Variants in ACACA observed in about 807,000 individuals in gnomAD.
The protein encoded by ACACA is acetyl-CoA carboxylase 1.
Under a neutral mutation model 296.1 loss-of-function variants are expected in ACACA, and 103 were observed. That is an observed-to-expected ratio of 0.35 (90% confidence interval 0.30 to 0.41). The LOEUF is 0.41. ACACA is among the 10% of genes least tolerant of loss of function. The pLI is 1.00. For synonymous variants in ACACA, 953 were observed against 1,038.6 expected (o/e 0.92, Z 1.58); for missense variants, 1,554 against 2,989.7 (o/e 0.52, Z 11.20).
intron 1 of ACACA, among the ~76,000 whole-genome samples, chr17:37,353,539 T>C (rs1297890614): frequency 7.0e-6 from 1 of 142,958 alleles, no homozygotes; most frequent in Non-Finnish European, 1.5e-5. Context: ...ATCAGGAGGC[T>C]GAGGCAGGAG....
At chr17:37,268,733 C>CTATATATATATATATATA (rs1402309165) in intron 10 of ACACA, among the ~76,000 whole-genome samples, 5 of 70,824 alleles carry the variant, frequency 7.1e-5, no homozygotes, top group East Asian at 8.6e-4. Flanking sequence ...ATCTATCTAT[C>CTATATATATATATATATA]TATCTATCTA....
chr17:37,185,389 T>C (rs1235485191), intron 39 of ACACA, among the ~76,000 whole-genome samples: 2 of 144,798 alleles, frequency 1.4e-5, no homozygotes, highest in Middle Eastern at 3.6e-3. Flanking sequence ...CATGACACCA[T>C]GCCTGGCTAT....
chr17:37,256,209 C>A (rs1235743052), intron 14 of ACACA, among the ~76,000 whole-genome samples: 5 of 152,136 alleles, frequency 3.3e-5, no homozygotes, highest in African/African-American at 1.2e-4. Flanking sequence ...CAAAACACAT[C>A]TGTATGTTGA....
chr17:37,205,672 A>G (rs991632002), intron 33 of ACACA, 93 bp downstream of exon 33: 1 of 990,960 alleles, frequency 1.0e-6, no homozygotes, highest in African/African-American at 1.6e-5. Context: ...GATAAAAGAC[A>G]TAGCCATAAA....
At chr17:37,322,741 G>A (rs938565748) in intron 3 of ACACA, among the ~76,000 whole-genome samples, 2 of 152,168 alleles carry the variant, frequency 1.3e-5, no homozygotes, top group Non-Finnish European at 2.9e-5. Flanking sequence ...ACAAGGCAGA[G>A]AAAGAGAGGA....
chr17:37,390,551 C>T (rs552772251), intron 1 of ACACA, among the ~76,000 whole-genome samples: 147 of 149,002 alleles, frequency 9.9e-4, no homozygotes, highest in African/African-American at 3.5e-3. Context: ...TGCTTGAACC[C>T]AGGAGACAGA....
At chr17:37,132,866 C>T (rs574317174) in intron 45 of ACACA, among the ~76,000 whole-genome samples, 1 of 152,272 alleles carries the variant, frequency 6.6e-6, no homozygotes, top group African/African-American at 2.4e-5. Flanking sequence ...TCTATTCTAC[C>T]CCATATTTTT....
At chr17:37,393,819 GA>G (rs5820211) in intron 1 of ACACA, among the ~76,000 whole-genome samples, 18,849 of 133,988 alleles carry the variant, frequency 0.14, 1,293 homozygotes, top group East Asian at 0.27. Flanking sequence ...CTGTCTCAAA[GA>G]AAAAAAAAAA....
intron 26 of ACACA, chr17:37,225,557 C>T (rs1177483649): frequency 5.2e-6 from 1 of 192,408 alleles, no homozygotes; most frequent in African/African-American, 2.4e-5. Context: ...TTGACAGCCC[C>T]AGGTACTCGG....
chr17:37,140,065 T>C (rs2075500511), intron 45 of ACACA, among the ~76,000 whole-genome samples: 1 of 152,232 alleles, frequency 6.6e-6, no homozygotes, highest in Admixed American at 6.5e-5. Flanking sequence ...CATAGATGAA[T>C]GGGATTGGCT....
intron 1 of ACACA, among the ~76,000 whole-genome samples, chr17:37,390,167 T>C (rs1219904093): frequency 0.24 from 13,391 of 56,708 alleles, 2,450 homozygotes; most frequent in East Asian, 0.77. Flanking sequence ...TATATATATA[T>C]ATATATATAC....
Position 37,200,463 on chromosome 17 carries a change from A to G in ACACA, c.4077T>C (p.His1359=), listed in dbSNP as rs1413461015. ...TQQNKATLVD[H]GIRRLTFLVA... is the part of the protein sequence containing the mutation. ...CCAGGAAAGTAAGGCGCCGGATCCC[A>G]TGGTCAACCAGGGTAGCTTTCTAGG... Residue 1359 remains histidine, a synonymous_variant, in exon 34 of 56, where the codon CAT becomes CAC. Transcript: ENST00000616317. 1 of 1,613,316 alleles carries G rather than the reference A, an allele frequency of 6.2e-7. No homozygotes were observed. Among genetic ancestry groups the G allele is most frequent in the African/African-American group, 1.3e-5 (1 of 75,044 alleles).
intron 1 of ACACA, among the ~76,000 whole-genome samples, chr17:37,344,951 C>A (rs1404188644): frequency 1.3e-5 from 2 of 152,170 alleles, no homozygotes; most frequent in Non-Finnish European, 2.9e-5. Flanking sequence ...CAGAGGGTTT[C>A]TAGATTGGGG....
chr17:37,327,498 G>C (rs546854272), intron 3 of ACACA, among the ~76,000 whole-genome samples: 17 of 152,246 alleles, frequency 1.1e-4, no homozygotes, highest in African/African-American at 3.6e-4. Context: ...CATGATTTTT[G>C]CAACAGTAAG....
At chr17:37,170,800 T>C (rs887049901) in intron 41 of ACACA, among the ~76,000 whole-genome samples, 1 of 152,240 alleles carries the variant, frequency 6.6e-6, no homozygotes, top group African/African-American at 2.4e-5. Flanking sequence ...ACATTAATTG[T>C]ACTATCAATG....
chr17:37,263,792 T>C lies in ACACA; in HGVS notation c.1222A>G (p.Ile408Val). 1.9e-6 allele frequency: 3 copies of C among 1,614,040 alleles called. No homozygotes were observed. Among genetic ancestry groups the C allele is most frequent in the Non-Finnish European group, 2.5e-6 (3 of 1,180,004 alleles). Reference sequence around the variant, plus strand: ...GAGCAATCACGACCAAACAAAGAGATAGCATTGCCATATTGGTCCGCTAAG... The same window carrying C: ...GAGCAATCACGACCAAACAAAGAGACAGCATTGCCATATTGGTCCGCTAAG... The part of the protein sequence containing the change: ...QILADQYGNA[I>V]SLFGRDCSVQ... Residue 408 changes from isoleucine to valine, a missense_variant, in exon 11 of 56, where the codon ATC (isoleucine) becomes GTC (valine). Physicochemically the swap from Ile to Val is conservative, Grantham distance 29. This residue lies in a region of ACACA where 82 missense variants were observed against 185.2 expected (regional missense o/e 0.44). Transcript: ENST00000616317.
chr17:37,317,398 T>C (rs1265956411), intron 3 of ACACA, among the ~76,000 whole-genome samples: 2 of 152,178 alleles, frequency 1.3e-5, no homozygotes. Flanking sequence ...AAACCCCGTC[T>C]CTACTAAAAA....
At chr17:37,355,172 G>A (rs2049076335) in intron 1 of ACACA, among the ~76,000 whole-genome samples, 1 of 150,970 alleles carries the variant, frequency 6.6e-6, no homozygotes, top group African/African-American at 2.4e-5. Context: ...GAACCCGGGT[G>A]GCGGTGGTTG....
chr17:37,087,703 C>G (rs1482390897), intron 55 of ACACA, among the ~76,000 whole-genome samples: 1 of 152,026 alleles, frequency 6.6e-6, no homozygotes, highest in Non-Finnish European at 1.5e-5. Flanking sequence ...GGGCATGTCA[C>G]AAAGACAGCA....
Sources: gnomAD v4.1 joint callset for allele counts (sites outside exome capture counted in the v4.1 genomes callset) on GRCh38, gnomAD v4.1.1 for gene constraint, gnomAD v4.1.1 regional missense constraint, MANE v1.5 for transcripts, NCBI Gene and HGNC (gene_info 2026-07-23, HGNC 2026-07-21) for gene names.